The following ARHGAP22 variants were observed in gnomAD, a reference collection of about 807,000 sequenced individuals.
ARHGAP22 encodes the protein Rho GTPase activating protein 22.
In ARHGAP22, 48 loss-of-function variants were observed where a neutral mutation model predicts 59.1. The ratio of observed to expected loss-of-function variants is 0.81; its 90% CI spans 0.64 to 1.03. ARHGAP22 has a LOEUF of 1.03. Among genes scored for constraint, ARHGAP22 ranks in the 50% least tolerant of loss-of-function variants. The pLI is 0.00. For synonymous variants in ARHGAP22, 445 were observed against 416.4 expected (o/e 1.07, Z -0.84); for missense variants, 1,015 against 958.7 (o/e 1.06, Z -0.78).
intron 8 of ARHGAP22, among the ~76,000 whole-genome samples, chr10:48,453,027 C>A (rs1589432937): frequency 1.3e-5 from 2 of 152,256 alleles, no homozygotes; most frequent in Non-Finnish European, 2.9e-5. Context: ...CCTCTTCCAT[C>A]CACAGAAACC....
chr10:48,490,501 C>T (rs1015720495), intron 3 of ARHGAP22, among the ~76,000 whole-genome samples: 3 of 152,182 alleles, frequency 2.0e-5, no homozygotes, highest in Non-Finnish European at 4.4e-5. Flanking sequence ...ACAGCCAGAT[C>T]TCTATTGCCT....
At chr10:48,435,464 TAC>T in the ARHGAP22 span, 14,561 of 153,598 alleles carry the variant, frequency 0.095, 721 homozygotes, top group Non-Finnish European at 0.11. Flanking sequence ...TTGTTCATGA[TAC>T]TATCCTTCAG....
At chr10:48,472,107 T>C (rs901052870) in intron 4 of ARHGAP22, among the ~76,000 whole-genome samples, 13 of 151,766 alleles carry the variant, frequency 8.6e-5, no homozygotes, top group African/African-American at 2.9e-4. Flanking sequence ...CTCGGGAGGC[T>C]GAGGCAGGAG....
chr10:48,437,552 T>G, the ARHGAP22 span: 1 of 152,228 alleles, frequency 6.6e-6, no homozygotes, highest in Non-Finnish European at 1.5e-5. Flanking sequence ...TGTACCAATG[T>G]CTTCCTGGTT....
At chr10:48,591,822 C>T (rs967084441) in intron 1 of ARHGAP22, among the ~76,000 whole-genome samples, 4 of 152,102 alleles carry the variant, frequency 2.6e-5, no homozygotes, top group Middle Eastern at 6.8e-3. Context: ...TGCAGTGAGT[C>T]GAGATTGCAT....
At chr10:48,476,276 A>G (rs2048728618) in intron 4 of ARHGAP22, among the ~76,000 whole-genome samples, 2 of 152,198 alleles carry the variant, frequency 1.3e-5, no homozygotes, top group Non-Finnish European at 2.9e-5. Flanking sequence ...TGGGCTGGGC[A>G]GGCCACCAGC....
intron 4 of ARHGAP22, among the ~76,000 whole-genome samples, chr10:48,467,943 C>T (rs190658920): frequency 6.6e-6 from 1 of 152,276 alleles, no homozygotes; most frequent in Non-Finnish European, 1.5e-5. Context: ...AGAGCCTGGC[C>T]TAGGGTGAAA....
intron 3 of ARHGAP22, among the ~76,000 whole-genome samples, chr10:48,526,644 C>T (rs2054350535): frequency 6.6e-6 from 1 of 152,310 alleles, no homozygotes; most frequent in South Asian, 2.1e-4. Context: ...GATTGTCCAA[C>T]GGCCAAGTCC....
intron 4 of ARHGAP22, among the ~76,000 whole-genome samples, chr10:48,462,282 G>A (rs1212855917): frequency 1.3e-5 from 2 of 150,988 alleles, no homozygotes; most frequent in South Asian, 4.2e-4. Flanking sequence ...GGAGAGTGCC[G>A]AAGTAGCTAC....
chr10:48,455,216 G>A, intron 5 of ARHGAP22, 82 bp from the exon 6 acceptor site: 3 of 1,441,960 alleles, frequency 2.1e-6, no homozygotes, highest in Non-Finnish European at 2.8e-6. Context: ...TGACGCCAAG[G>A]GGCAGCCTCT....
intron 3 of ARHGAP22, among the ~76,000 whole-genome samples, chr10:48,552,513 A>G (rs2056979038): frequency 6.6e-6 from 1 of 152,238 alleles, no homozygotes; most frequent in Non-Finnish European, 1.5e-5. Context: ...GTCTTTGCAC[A>G]TTTACCCCGG....
chr10:48,522,307 C>T (rs1482067162), intron 3 of ARHGAP22, among the ~76,000 whole-genome samples: 4 of 152,228 alleles, frequency 2.6e-5, no homozygotes, highest in Non-Finnish European at 5.9e-5. Flanking sequence ...GGCCAGCCAT[C>T]TCTCGGGTAG....
At chr10:48,462,736 C>T (rs2047268075) in intron 4 of ARHGAP22, among the ~76,000 whole-genome samples, 1 of 152,250 alleles carries the variant, frequency 6.6e-6, no homozygotes, top group African/African-American at 2.4e-5. Flanking sequence ...CCAGGCGCCC[C>T]TGCCCAGAAA....
Position 48,640,567 on chromosome 10 carries a change from C to T in ARHGAP22, c.52+11667G>A, listed in dbSNP as rs191688468. The stretch of plus-strand genomic sequence containing the variant: ...ACAGTGAGGGCTAGAAGTGGGAGGA[C>T]GTATTCAAAGTGTTGAAAGAAAAAT... On this transcript the variant is annotated intron_variant, in intron 1 of 9. Transcript: ENST00000435790. Among the ~76,000 whole-genome samples, 32 of 152,086 alleles carry T rather than the reference C, an allele frequency of 2.1e-4. 1 individual carries two copies. The South Asian group carries it at 5.8e-3, about 28-fold the overall frequency.
chr10:48,518,142 C>T (rs1188716798), intron 3 of ARHGAP22, among the ~76,000 whole-genome samples: 1 of 152,172 alleles, frequency 6.6e-6, no homozygotes, highest in East Asian at 1.9e-4. Context: ...CGAGTGGAGC[C>T]AGAAGCCTCA....
In ARHGAP22 at chr10:48,446,299, C is replaced by A; in HGVS notation, c.*92G>T. On this transcript the variant is annotated 3_prime_UTR_variant, in exon 10 of 10. Coordinates refer to ENST00000249601, the MANE Select transcript of ARHGAP22 (RefSeq NM_021226.4). ...TCTCTCTCTCCAGCTGGCTCCAGAG[C>A]GCCTGGCTGCTCCAGAGATACAGAC... 7.2e-7 allele frequency: 1 copy of A among 1,394,164 alleles called. No individual in the cohort carries two copies. Among genetic ancestry groups the A allele is most frequent in the South Asian group, 1.3e-5 (1 of 75,014 alleles). The allele number at this position is 1,394,164 out of a possible 1,614,324, so 86.4% of individuals were successfully genotyped here.
chr10:48,604,814 G>T lies in ARHGAP22; in HGVS notation c.-18C>A. 1 of 1,614,150 alleles carries T rather than the reference G, an allele frequency of 6.2e-7. No homozygotes were observed. The highest frequency in any genetic ancestry group is 8.5e-7 in the Non-Finnish European group (1 of 1,180,034). ...CTCAGCATGTTCTTGCAGCCGTCCG[G>T]CCAGCCCCGCAGGGCCGTTCATGCT... On this transcript the variant is annotated 5_prime_UTR_variant, in exon 1 of 10. Transcript: ENST00000249601.
At chr10:48,518,955 T>C (rs578134243) in intron 3 of ARHGAP22, among the ~76,000 whole-genome samples, 1 of 152,328 alleles carries the variant, frequency 6.6e-6, no homozygotes, top group East Asian at 1.9e-4. Context: ...GGCCAATTTC[T>C]AGCCCAGGAG....
At chr10:48,431,169 C>A in the ARHGAP22 span, 1 of 1,518,854 alleles carries the variant, frequency 6.6e-7, no homozygotes, top group Non-Finnish European at 9.1e-7. Flanking sequence ...TTGAAAAGTT[C>A]ATTTTTGTTT....
Sources: allele counts gnomAD v4.1 joint callset (sites outside exome capture counted in the v4.1 genomes callset), GRCh38; gene constraint gnomAD v4.1.1; transcripts MANE v1.5; gene names NCBI Gene and HGNC (gene_info 2026-07-23, HGNC 2026-07-21).